Variants in L3MBTL4 observed in about 807,000 individuals in gnomAD.
L3MBTL4 encodes L3MBTL histone methyl-lysine binding protein 4.
L3MBTL4 carries 70 observed loss-of-function variants against 84.5 expected under a neutral mutation model. That is an observed-to-expected ratio of 0.83 (90% CI 0.68 to 1.01). L3MBTL4 has a LOEUF of 1.01. Ranked by LOEUF, L3MBTL4 falls within the 50% of genes least tolerant of loss-of-function variation. L3MBTL4 has a pLI of 0.00. For synonymous variants in L3MBTL4, 274 were observed against 259.8 expected (o/e 1.05, Z -0.52); for missense variants, 715 against 754.8 (o/e 0.95, Z 0.62).
At chr18:6,342,514 C>A (rs2052655794) in intron 1 of L3MBTL4, among the ~76,000 whole-genome samples, 1 of 151,906 alleles carries the variant, frequency 6.6e-6, no homozygotes, top group Non-Finnish European at 1.5e-5. Context: ...TTAAAATAGA[C>A]TGCTGTAACT....
rs139504386 is a variant in L3MBTL4, at chr18:6,165,110, C to T, written c.1096+6718G>A. Among the ~76,000 whole-genome samples, 374 of 152,072 alleles carry T rather than the reference C, an allele frequency of 2.5e-3. 2 individuals are homozygous for T. The highest frequency in any genetic ancestry group is 8.6e-3 in the African/African-American group (356 of 41,490). On this transcript the variant is annotated intron_variant, in intron 13 of 18. Coordinates refer to ENST00000317931, the MANE Select transcript of L3MBTL4 (RefSeq NM_001330559.2). ...TGGAAGGCAAAATGAATGACATGAACTAAGAAGAGAAGTTTAGAGAAAAAA... is the reference window on the plus strand; with the variant it reads ...TGGAAGGCAAAATGAATGACATGAATTAAGAAGAGAAGTTTAGAGAAAAAA...
chr18:6,236,793 T>C (rs2047233761), intron 10 of L3MBTL4, among the ~76,000 whole-genome samples: 1 of 152,272 alleles, frequency 6.6e-6, no homozygotes, highest in African/African-American at 2.4e-5. Flanking sequence ...GATTTTGATT[T>C]GGCTTCTTTA....
chr18:6,318,688 C>T (rs2051249459), intron 1 of L3MBTL4, among the ~76,000 whole-genome samples: 1 of 151,840 alleles, frequency 6.6e-6, no homozygotes, highest in South Asian at 2.1e-4. Context: ...TACTGGGGGA[C>T]TTCAACACCG....
intron 16 of L3MBTL4, among the ~76,000 whole-genome samples, chr18:6,011,493 A>T (rs1184488775): frequency 2.6e-5 from 4 of 152,192 alleles, no homozygotes; most frequent in Non-Finnish European, 5.9e-5. Flanking sequence ...GTATTAATCG[A>T]GTAGTATTCT....
intron 5 of L3MBTL4, among the ~76,000 whole-genome samples, chr18:6,261,588 A>G (rs75927291): frequency 0.045 from 6,810 of 152,204 alleles, 490 homozygotes; most frequent in African/African-American, 0.15. Flanking sequence ...CCCTCTATAA[A>G]GTCAAGGGGG....
chr18:6,055,808 C>A lies in L3MBTL4; in HGVS notation c.1444+25073G>T, dbSNP rs560060280. 2.2e-4 allele frequency among the ~76,000 whole-genome samples: 33 copies of A among 152,248 alleles called. 2 individuals carry two copies. The highest frequency in any genetic ancestry group is 7.7e-4 in the African/African-American group (32 of 41,562). On this transcript the variant is annotated intron_variant, in intron 16 of 18. Coordinates refer to ENST00000317931, the MANE Select transcript of L3MBTL4 (RefSeq NM_001330559.2). ...AGTTGGAACCCAGATTCTCAGACCC[C>A]CAGGGAAGGATCCTTCCACTATTAT...
chr18:6,406,984 T>G (rs562206629), intron 1 of L3MBTL4, among the ~76,000 whole-genome samples: 9 of 152,220 alleles, frequency 5.9e-5, no homozygotes, highest in Non-Finnish European at 1.2e-4. Flanking sequence ...CCTACTAACC[T>G]CACACTTTGC....
chr18:6,038,620 G>A lies in L3MBTL4; in HGVS notation c.1444+42261C>T, dbSNP rs80087761. Among the ~76,000 whole-genome samples the A allele has an allele frequency of 5.0e-3, 764 of 152,196 alleles. 8 individuals carry two copies. The highest frequency in any genetic ancestry group is 0.017 in the African/African-American group (701 of 41,514). On this transcript the variant is annotated intron_variant, in intron 16 of 18. Coordinates refer to ENST00000317931, the MANE Select transcript of L3MBTL4 (RefSeq NM_001330559.2). ...AGTAAAAGACAGCAACATTGATGGG[G>A]GAGAGCGGCACTTCTGTTAAGAAGT...
rs868434880 is a variant in L3MBTL4, at chr18:5,994,255, C to G, written c.1445-24693G>C. ...CCAGGCATCTGCTTTTTGTCTTTCT[C>G]TAGCACAATTGTGAGCTGCGTGGAG... is the stretch of plus-strand genomic sequence containing the variant. On this transcript the variant is annotated intron_variant, in intron 16 of 18. Coordinates refer to ENST00000317931, the MANE Select transcript of L3MBTL4 (RefSeq NM_001330559.2). Among the ~76,000 whole-genome samples the G allele has an allele frequency of 4.6e-5, 7 of 152,362 alleles. No homozygotes were observed. In the South Asian group the frequency reaches 1.2e-3, roughly 27 times the overall value.
At position 6,347,898 on chromosome 18, in the gene L3MBTL4, G is replaced by A. The variant is rs2052993614; in HGVS notation, c.-90-35842C>T. On this transcript the variant is annotated intron_variant, in intron 1 of 18. Coordinates refer to ENST00000317931, the MANE Select transcript of L3MBTL4 (RefSeq NM_001330559.2). ...AAATTCTAAACACTTCCAGACAACA[G>A]GATCTGAACACAAAAAAATTAAATT... Among the ~76,000 whole-genome samples, 9 of 151,788 alleles carry A rather than the reference G, an allele frequency of 5.9e-5. No individual in the cohort carries two copies. In the South Asian group the frequency reaches 1.9e-3, roughly 31 times the overall value.
At chr18:6,236,566 T>A (rs1002112156) in intron 10 of L3MBTL4, among the ~76,000 whole-genome samples, 11 of 152,152 alleles carry the variant, frequency 7.2e-5, no homozygotes, top group African/African-American at 2.7e-4. Flanking sequence ...GAAGAAGCAT[T>A]CCATGTCTCT....
chr18:5,979,757 G>T (rs1370465534), intron 16 of L3MBTL4, among the ~76,000 whole-genome samples: 1 of 152,168 alleles, frequency 6.6e-6, no homozygotes, highest in African/African-American at 2.4e-5. Flanking sequence ...GAAAAGAAGG[G>T]TTGTCTCTTC....
chr18:6,283,599 T>C (rs1199042473), intron 4 of L3MBTL4, among the ~76,000 whole-genome samples: 3 of 147,136 alleles, frequency 2.0e-5, no homozygotes, highest in African/African-American at 7.5e-5. Context: ...CAAAGTTATT[T>C]TAAAAATGAA....
At chr18:6,062,107 C>G (rs991208964) in intron 16 of L3MBTL4, among the ~76,000 whole-genome samples, 4 of 151,962 alleles carry the variant, frequency 2.6e-5, no homozygotes, top group African/African-American at 9.7e-5. Flanking sequence ...GGGTTTCTGA[C>G]CCATATAATT....
chr18:6,130,641 G>A (rs1001835952), intron 14 of L3MBTL4, among the ~76,000 whole-genome samples: 2 of 152,112 alleles, frequency 1.3e-5, no homozygotes, highest in Non-Finnish European at 2.9e-5. Flanking sequence ...TATGTTTTAT[G>A]ACACAGAGGT....
intron 1 of L3MBTL4, among the ~76,000 whole-genome samples, chr18:6,380,721 A>C (rs931173106): frequency 6.6e-6 from 1 of 152,122 alleles, no homozygotes; most frequent in African/African-American, 2.4e-5. Flanking sequence ...TTTGCTAAGG[A>C]ATGTTTTACT....
intron 1 of L3MBTL4, among the ~76,000 whole-genome samples, chr18:6,383,838 G>A (rs1599858043): frequency 6.6e-6 from 1 of 152,296 alleles, no homozygotes; most frequent in South Asian, 2.1e-4. Flanking sequence ...CTGCATGAAT[G>A]TTATTTCATA....
At chr18:6,125,577 C>T (rs2059667036) in intron 14 of L3MBTL4, among the ~76,000 whole-genome samples, 1 of 152,082 alleles carries the variant, frequency 6.6e-6, no homozygotes, top group Non-Finnish European at 1.5e-5. Context: ...TACAGGCACA[C>T]ACCACCACAC....
At chr18:6,370,815 T>A (rs1363851068) in intron 1 of L3MBTL4, among the ~76,000 whole-genome samples, 2 of 151,974 alleles carry the variant, frequency 1.3e-5, no homozygotes, top group Non-Finnish European at 2.9e-5. Flanking sequence ...CTCAGAAAAA[T>A]TTAAAAAAAT....
Sources: gnomAD v4.1 joint callset for allele counts (sites outside exome capture counted in the v4.1 genomes callset) on GRCh38, gnomAD v4.1.1 for gene constraint, MANE v1.5 for transcripts, NCBI Gene and HGNC (gene_info 2026-07-23, HGNC 2026-07-21) for gene names.